The following MICOS10 variants were observed in gnomAD, a reference collection of about 807,000 sequenced individuals.
MICOS10 encodes the protein MICOS complex subunit MIC10.
MICOS10 carries 5 observed loss-of-function variants against 13.4 expected under a neutral mutation model. The observed-to-expected ratio is 0.37, with a 90% confidence interval of 0.20 to 0.78. The LOEUF (loss-of-function observed/expected upper bound fraction) is 0.78, where lower values mean the gene tolerates loss of function less well. MICOS10 is among the 30% of genes least tolerant of loss of function. MICOS10 has a pLI of 0.47. For missense variants in MICOS10, 101 were observed against 94.6 expected, an observed-to-expected ratio of 1.07 and a Z score of -0.28; for synonymous variants, 35 against 33.6, an observed-to-expected ratio of 1.04 and a Z score of -0.15.
chr1:19,625,773 C>T (rs2094919878), intron 3 of MICOS10: 29 of 938,524 alleles, frequency 3.1e-5, no homozygotes, highest in Non-Finnish European at 4.1e-5. Context: ...TTTGTGTGTC[C>T]TGCTCCAAAA....
chr1:19,624,014 G>A (rs527926949), intron 3 of MICOS10, among the ~76,000 whole-genome samples: 5 of 152,084 alleles, frequency 3.3e-5, no homozygotes, highest in South Asian at 2.1e-4. Context: ...TTTTTGAGAC[G>A]GAGTCTTGCT....
chr1:19,624,029 C>T (rs940893787), intron 3 of MICOS10, among the ~76,000 whole-genome samples: 2 of 152,180 alleles, frequency 1.3e-5, no homozygotes, highest in South Asian at 2.1e-4. Flanking sequence ...CTTGCTTTGT[C>T]GCCCAGGCAG....
chr1:19,622,092 C>CT lies in MICOS10; in HGVS notation c.65-5dup, dbSNP rs2094905786. The CT allele has an allele frequency of 5.6e-6, 9 of 1,608,314 alleles. No individual in the cohort carries two copies. The highest frequency in any genetic ancestry group is 6.8e-6 in the Non-Finnish European group (8 of 1,175,712). Reference sequence around the variant, plus strand: ...GAGATTTAGCATGTTTTTTCTCCCTCTTTGTAGGTACTGGTTTTGGATTAG... The same window carrying CT: ...GAGATTTAGCATGTTTTTTCTCCCTCTTTTGTAGGTACTGGTTTTGGATTAG... On this transcript the variant is annotated splice_polypyrimidine_tract_variant and splice_region_variant and intron_variant, in intron 1 of 3. Coordinates refer to ENST00000322753, the MANE Select transcript of MICOS10 (RefSeq NM_001032363.4).
At chr1:19,617,752 C>T (rs983854058) in intron 1 of MICOS10, among the ~76,000 whole-genome samples, 5 of 152,162 alleles carry the variant, frequency 3.3e-5, no homozygotes, top group Non-Finnish European at 7.4e-5. Flanking sequence ...ACAGGAAGCA[C>T]GGCCATTATA....
intron 1 of MICOS10, chr1:19,600,865 T>C (rs1444361352): frequency 3.9e-6 from 5 of 1,287,842 alleles, no homozygotes; most frequent in African/African-American, 3.0e-5. Context: ...CCTCCCAACG[T>C]GCCAGGATTA....
At chr1:19,607,467 T>G (rs1296962804) in intron 1 of MICOS10, among the ~76,000 whole-genome samples, 1 of 152,212 alleles carries the variant, frequency 6.6e-6, no homozygotes, top group African/African-American at 2.4e-5. Flanking sequence ...CTTATAAAAG[T>G]CATTTGGTGT....
rs906681750 is a variant in MICOS10 at position 19,623,367 on chromosome 1, G to T, written c.113-107G>T. 22 of 693,472 alleles carry T rather than the reference G, an allele frequency of 3.2e-5. 1 individual carries two copies. In the African/African-American group the frequency reaches 3.6e-4, roughly 11 times the overall value. 43.0% of individuals were successfully genotyped at this position (693,472 alleles called of 1,614,324 possible). ...TGGTTATTATAGTCATTAGTATGAT[G>T]CACGTTGAATATTTATTGAACCCTA... On this transcript the variant is annotated intron_variant, in intron 2 of 3. Coordinates refer to ENST00000322753, the MANE Select transcript of MICOS10 (RefSeq NM_001032363.4).
At chr1:19,618,665 G>A (rs533868265) in intron 1 of MICOS10, among the ~76,000 whole-genome samples, 2 of 152,266 alleles carry the variant, frequency 1.3e-5, no homozygotes, top group African/African-American at 2.4e-5. Flanking sequence ...GTTTGGGCCC[G>A]GCCTGTCTTG....
intron 1 of MICOS10, among the ~76,000 whole-genome samples, chr1:19,597,574 C>A (rs1445288666): frequency 6.6e-6 from 1 of 152,168 alleles, no homozygotes. Context: ...GGCCCTGATG[C>A]GAGTTGCTGT....
chr1:19,607,988 G>T, intron 1 of MICOS10: 1 of 615,948 alleles, frequency 1.6e-6, no homozygotes, highest in Non-Finnish European at 2.9e-6. Context: ...ATGCTAAAAC[G>T]ACTAGGTTTC....
intron 1 of MICOS10, among the ~76,000 whole-genome samples, chr1:19,611,985 AG>A (rs2094864382): frequency 6.6e-6 from 1 of 150,814 alleles, no homozygotes. Context: ...AAAAAAAAAA[AG>A]ATTTTTTTTT....
intron 1 of MICOS10, among the ~76,000 whole-genome samples, chr1:19,606,293 A>G (rs1459481274): frequency 6.6e-6 from 1 of 152,036 alleles, no homozygotes; most frequent in African/African-American, 2.4e-5. Flanking sequence ...TAGGAGAGGC[A>G]GAGAGGGGAA....
Position 19,623,565 on chromosome 1 carries a change from A to T in MICOS10, c.204A>T (p.Leu68=). 1.2e-6 allele frequency: 2 copies of T among 1,607,102 alleles called. No individual in the cohort carries two copies. Among genetic ancestry groups the T allele is most frequent in the Non-Finnish European group, 1.7e-6 (2 of 1,173,778 alleles). The change falls in exon 3 of 4, where the codon CTA becomes CTT. Residue 68 remains leucine (L), a synonymous_variant. Coordinates refer to ENST00000322753, the MANE Select transcript of MICOS10 (RefSeq NM_001032363.4). ...ATGATTTCCAGGCTCCATATCTTCT[A>T]CATGGAAAATATGTCAAAGTATGTA... is the stretch of plus-strand genomic sequence containing the variant. ...CQHDFQAPYL[L]HGKYVKEQEQ is the part of the protein sequence containing the mutation.
rs761420218 is a variant in MICOS10, at chr1:19,626,428, G to A, written c.*27G>A. The stretch of plus-strand genomic sequence containing the variant: ...TTCACCTGAGAACATCCCAGCGGGA[G>A]GACAAGAGAAATCATGTTTATTCCT... On this transcript the variant is annotated 3_prime_UTR_variant, in exon 4 of 4. Coordinates refer to ENST00000322753, the MANE Select transcript of MICOS10 (RefSeq NM_001032363.4). The A allele has an allele frequency of 4.1e-5, 66 of 1,613,470 alleles. No individual in the cohort carries two copies. In the South Asian group the frequency reaches 7.0e-4, roughly 17 times the overall value.
chr1:19,622,662 G>A (rs536523941), intron 2 of MICOS10, among the ~76,000 whole-genome samples: 30 of 152,270 alleles, frequency 2.0e-4, no homozygotes, highest in African/African-American at 3.4e-4. Flanking sequence ...ACCTCTTTCC[G>A]TGAAGAACCA....
At chr1:19,606,926 G>GA (rs1395685385) in intron 1 of MICOS10, among the ~76,000 whole-genome samples, 1 of 152,212 alleles carries the variant, frequency 6.6e-6, no homozygotes, top group Admixed American at 6.5e-5. Context: ...AATAGTCATG[G>GA]AAAAAGAAAG....
chr1:19,616,818 A>G (rs574588232), intron 1 of MICOS10, among the ~76,000 whole-genome samples: 47 of 152,210 alleles, frequency 3.1e-4, no homozygotes, highest in Admixed American at 8.5e-4. Flanking sequence ...TGAGGTTTTC[A>G]TAATAAACTT....
chr1:19,609,418 C>T (rs2094850000), intron 1 of MICOS10, among the ~76,000 whole-genome samples: 1 of 152,192 alleles, frequency 6.6e-6, no homozygotes, highest in Non-Finnish European at 1.5e-5. Context: ...GGTAGAACCA[C>T]TTTGGAACAC....
chr1:19,608,993 G>GC (rs1475011419), intron 1 of MICOS10, among the ~76,000 whole-genome samples: 2 of 94,570 alleles, frequency 2.1e-5, no homozygotes, highest in East Asian at 6.6e-4. Flanking sequence ...ACTTTTCCCA[G>GC]CTTTTTTTTT....
Sources: gnomAD v4.1 joint callset for allele counts (sites outside exome capture counted in the v4.1 genomes callset) on GRCh38, gnomAD v4.1.1 for gene constraint, MANE v1.5 for transcripts, NCBI Gene and HGNC (gene_info 2026-07-23, HGNC 2026-07-21) for gene names.